The following RBFOX1 variants were observed in gnomAD, a reference collection of about 807,000 sequenced individuals.
The protein encoded by RBFOX1 is RNA binding protein fox-1 homolog 1.
In RBFOX1, 8 loss-of-function variants were observed where a neutral mutation model predicts 57.7. The ratio of observed to expected loss-of-function variants is 0.14; its 90% confidence interval spans 0.08 to 0.25. RBFOX1 has a LOEUF of 0.25. Among genes scored for constraint, RBFOX1 ranks in the 10% least tolerant of loss-of-function variants. RBFOX1 has a pLI of 1.00. For synonymous variants in RBFOX1, 326 were observed against 222.4 expected (o/e 1.47, Z -4.15); for missense variants, 611 against 548.5 (o/e 1.11, Z -1.14).
intron 3 of RBFOX1, among the ~76,000 whole-genome samples, chr16:6,722,485 T>C (rs1044259055): frequency 1.2e-4 from 18 of 147,672 alleles, no homozygotes; most frequent in African/African-American, 3.2e-4. Flanking sequence ...GCATATTCCA[T>C]TGATGGAATA....
intron 1 of RBFOX1, among the ~76,000 whole-genome samples, chr16:6,185,302 C>A (rs2097098072): frequency 6.6e-6 from 1 of 152,212 alleles, no homozygotes; most frequent in Non-Finnish European, 1.5e-5. Context: ...GCTATAATTT[C>A]TTTTCCTTCC....
intron 2 of RBFOX1, among the ~76,000 whole-genome samples, chr16:6,584,343 TATTA>T (rs1182377017): frequency 2.4e-5 from 1 of 41,424 alleles, no homozygotes; most frequent in Non-Finnish European, 4.7e-5. Context: ...TTATTTTCAT[TATTA>T]TTATTATTAT....
intron 3 of RBFOX1, among the ~76,000 whole-genome samples, chr16:6,682,803 A>G (rs1044037099): frequency 6.6e-6 from 1 of 151,826 alleles, no homozygotes; most frequent in African/African-American, 2.4e-5. Flanking sequence ...TTATTTTCAG[A>G]TAGCTTAATC....
At chr16:7,233,467 A>G (rs2093614742) in intron 4 of RBFOX1, among the ~76,000 whole-genome samples, 1 of 152,180 alleles carries the variant, frequency 6.6e-6, no homozygotes, top group South Asian at 2.1e-4. Flanking sequence ...GTTGAACACA[A>G]TACATGGTAG....
At chr16:7,376,210 C>T (rs998744215) in intron 4 of RBFOX1, among the ~76,000 whole-genome samples, 1 of 152,108 alleles carries the variant, frequency 6.6e-6, no homozygotes, top group Non-Finnish European at 1.5e-5. Flanking sequence ...TGATGTGATA[C>T]CATGAAAGCT....
At chr16:6,431,900 T>TTGCTTGCTTGCTTGCTTGCTTGCTTG (rs1567258053) in intron 2 of RBFOX1, among the ~76,000 whole-genome samples, 156 of 71,448 alleles carry the variant, frequency 2.2e-3, no homozygotes, top group Non-Finnish European at 2.4e-3. Context: ...TTGCTTGCTT[T>TTGCTTGCTTGCTTGCTTGCTTGCTTG]CTTTCTTTCT....
At chr16:6,039,202 C>T (rs145073151) in intron 1 of RBFOX1, among the ~76,000 whole-genome samples, 59 of 151,830 alleles carry the variant, frequency 3.9e-4, no homozygotes, top group Admixed American at 6.6e-4. Flanking sequence ...GAAGCCTGGT[C>T]GGGGCAAGTC....
chr16:5,316,916 C>T (rs2064255433), intron 1 of RBFOX1, among the ~76,000 whole-genome samples: 2 of 152,070 alleles, frequency 1.3e-5, no homozygotes, highest in African/African-American at 4.8e-5. Context: ...TGGCTGGGGT[C>T]TCAGAGGAAC....
intron 1 of RBFOX1, chr16:6,037,138 A>G (rs1596565719): frequency 6.6e-6 from 1 of 152,166 alleles, no homozygotes; most frequent in Non-Finnish European, 1.5e-5. Flanking sequence ...CAATCTCTGT[A>G]TGTCTTAAAG....
At chr16:7,088,235 A>G (rs1012962422) in intron 4 of RBFOX1, among the ~76,000 whole-genome samples, 1 of 152,222 alleles carries the variant, frequency 6.6e-6, no homozygotes, top group South Asian at 2.1e-4. Context: ...TTAGACATGA[A>G]GCAAATCCTA....
At chr16:7,489,707 C>T (rs1482206535) in intron 4 of RBFOX1, among the ~76,000 whole-genome samples, 1 of 150,862 alleles carries the variant, frequency 6.6e-6, no homozygotes, top group Non-Finnish European at 1.5e-5. Context: ...TTGTAGAGAC[C>T]GTTTTTTTTT....
intron 4 of RBFOX1, among the ~76,000 whole-genome samples, chr16:7,219,382 C>G (rs1247936108): frequency 6.6e-6 from 1 of 152,118 alleles, no homozygotes; most frequent in Non-Finnish European, 1.5e-5. Context: ...TAAACACTGC[C>G]AACTCTTTGC....
intron 3 of RBFOX1, among the ~76,000 whole-genome samples, chr16:5,844,456 G>C (rs1373340184): frequency 6.6e-6 from 1 of 152,196 alleles, no homozygotes; most frequent in African/African-American, 2.4e-5. Context: ...GGCCACGTGA[G>C]AGCAATAGCA....
chr16:5,777,470 A>G (rs779363494), intron 3 of RBFOX1, among the ~76,000 whole-genome samples: 6 of 152,184 alleles, frequency 3.9e-5, no homozygotes, highest in Non-Finnish European at 5.9e-5. Flanking sequence ...GGACCGGGAC[A>G]TCTTTGAGGG....
intron 1 of RBFOX1, among the ~76,000 whole-genome samples, chr16:5,289,587 T>C (rs866297098): frequency 1.3e-5 from 2 of 152,256 alleles, no homozygotes; most frequent in Non-Finnish European, 2.9e-5. Flanking sequence ...TTTTACTTTT[T>C]AAAACGTGGT....
chr16:5,935,278 G>A (rs1284045960), intron 4 of RBFOX1, among the ~76,000 whole-genome samples: 1 of 152,216 alleles, frequency 6.6e-6, no homozygotes, highest in African/African-American at 2.4e-5. Flanking sequence ...TGTTACTCAT[G>A]TTCCCAAGAG....
intron 4 of RBFOX1, among the ~76,000 whole-genome samples, chr16:7,144,417 C>CTTTTTTTTTTTTTTTT (rs1190886141): frequency 1.5e-4 from 10 of 66,914 alleles, no homozygotes; most frequent in East Asian, 4.7e-4. Context: ...TTTCTTTCTT[C>CTTTTTTTTTTTTTTTT]TTTTTTTTTT....
chr16:7,038,503 A>T (rs371763361), intron 3 of RBFOX1, among the ~76,000 whole-genome samples: 2 of 152,216 alleles, frequency 1.3e-5, no homozygotes, highest in African/African-American at 4.8e-5. Flanking sequence ...ATTAGAATAA[A>T]TAATAGGCAA....
At chr16:6,694,218 G>A (rs1558566) in intron 3 of RBFOX1, among the ~76,000 whole-genome samples, 17,417 of 152,146 alleles carry the variant, frequency 0.11, 1,960 homozygotes, top group East Asian at 0.43. Context: ...CATATTGTCA[G>A]TATTCCACCC....
Sources: allele counts gnomAD v4.1 joint callset (sites outside exome capture counted in the v4.1 genomes callset), GRCh38; gene constraint gnomAD v4.1.1; transcripts MANE v1.5; gene names NCBI Gene and HGNC (gene_info 2026-07-23, HGNC 2026-07-21).